Variants in PLLP observed in about 807,000 individuals in gnomAD.
The protein encoded by PLLP is plasma membrane proteolipid (plasmolipin).
In PLLP, 15 loss-of-function variants were observed where a neutral mutation model predicts 19.7. The observed-to-expected ratio is 0.76, with a 90% CI of 0.51 to 1.17. The LOEUF is 1.17. Among genes scored for constraint, PLLP ranks in the 50% most tolerant of loss-of-function variants. PLLP has a pLI of 0.00. For synonymous variants in PLLP, 111 were observed against 116.3 expected (o/e 0.95, Z 0.29); for missense variants, 255 against 258.3 (o/e 0.99, Z 0.09).
At chr16:57,275,603 CAA>C (rs34400512) in intron 1 of PLLP, among the ~76,000 whole-genome samples, 34 of 22,316 alleles carry the variant, frequency 1.5e-3, no homozygotes, top group African/African-American at 4.7e-3. Flanking sequence ...AGAAATTCAG[CAA>C]AAAAAAAAAA....
At chr16:57,273,279 G>A (rs1017900863) in intron 1 of PLLP, among the ~76,000 whole-genome samples, 1 of 151,848 alleles carries the variant, frequency 6.6e-6, no homozygotes, top group Non-Finnish European at 1.5e-5. Flanking sequence ...AAAGTTGGGG[G>A]GGCAATGCTC....
chr16:57,276,514 C>T (rs11076183), intron 1 of PLLP, among the ~76,000 whole-genome samples: 66,490 of 150,262 alleles, frequency 0.44, 14,884 homozygotes, highest in African/African-American at 0.45. Flanking sequence ...ATTGCTTGAA[C>T]CCAGGAGGCA....
At chr16:57,262,192 TGTAATAATC>T in intron 1 of PLLP, 122 bp from the exon 2 acceptor site, 1 of 898,128 alleles carries the variant, frequency 1.1e-6, no homozygotes, top group Non-Finnish European at 1.7e-6. Context: ...GAGCCCAAGG[TGTAATAATC>T]GCTGGAGGCC....
intron 1 of PLLP, among the ~76,000 whole-genome samples, chr16:57,280,069 A>G (rs1213760997): frequency 6.6e-6 from 1 of 152,092 alleles, no homozygotes. Flanking sequence ...CTCCCTTCCT[A>G]TGCCAGGAAG....
intron 1 of PLLP, among the ~76,000 whole-genome samples, chr16:57,279,337 G>A (rs1238239135): frequency 6.6e-6 from 1 of 151,716 alleles, no homozygotes; most frequent in South Asian, 2.1e-4. Flanking sequence ...TGGAGATCTA[G>A]GGAAGGCTTC....
At chr16:57,275,819 T>G (rs970227822) in intron 1 of PLLP, among the ~76,000 whole-genome samples, 1 of 152,198 alleles carries the variant, frequency 6.6e-6, no homozygotes, top group Non-Finnish European at 1.5e-5. Context: ...CAAACGGCTC[T>G]TAAACATCTT....
At chr16:57,265,999 C>T (rs1238493746) in intron 1 of PLLP, among the ~76,000 whole-genome samples, 1 of 152,102 alleles carries the variant, frequency 6.6e-6, no homozygotes, top group African/African-American at 2.4e-5. Context: ...GCACTCCAGC[C>T]TAGGTGACAG....
intron 1 of PLLP, among the ~76,000 whole-genome samples, chr16:57,283,035 A>G (rs1049864871): frequency 6.6e-6 from 1 of 152,186 alleles, no homozygotes; most frequent in Non-Finnish European, 1.5e-5. Flanking sequence ...CCCCATCTGC[A>G]GAATTAAATG....
At chr16:57,266,898 C>T (rs1447128013) in intron 1 of PLLP, among the ~76,000 whole-genome samples, 2 of 114,596 alleles carry the variant, frequency 1.7e-5, no homozygotes, top group African/African-American at 6.4e-5. Context: ...TTTCTGAAAA[C>T]CTGAATAATT....
intron 1 of PLLP, chr16:57,263,299 G>A (rs61210889): frequency 0.046 from 7,008 of 152,344 alleles, 454 homozygotes; most frequent in South Asian, 0.27. Context: ...GGCAGGATGG[G>A]CCTGACCATC....
chr16:57,259,859 C>G (rs1351402588), intron 2 of PLLP, among the ~76,000 whole-genome samples: 1 of 151,918 alleles, frequency 6.6e-6, no homozygotes, highest in Non-Finnish European at 1.5e-5. Context: ...CACCGGTAAT[C>G]CCAGCTACAC....
chr16:57,276,707 C>T (rs1255620291), intron 1 of PLLP, among the ~76,000 whole-genome samples: 2 of 152,048 alleles, frequency 1.3e-5, no homozygotes, highest in Admixed American at 1.3e-4. Context: ...TGTTGGGAGG[C>T]TGTGGGAACA....
At chr16:57,284,075 G>C (rs1901251492) in intron 1 of PLLP, among the ~76,000 whole-genome samples, 1 of 152,166 alleles carries the variant, frequency 6.6e-6, no homozygotes, top group Non-Finnish European at 1.5e-5. Context: ...CGCAGTGACT[G>C]TGGCTCCGGT....
chr16:57,259,704 G>A (rs1350176788), intron 2 of PLLP, among the ~76,000 whole-genome samples: 4 of 152,164 alleles, frequency 2.6e-5, no homozygotes, highest in African/African-American at 9.7e-5. Context: ...GCCGGGTGCA[G>A]TGTGGCTCAT....
Position 57,261,016 on chromosome 16 carries a change from C to T in PLLP, c.309+881G>A, listed in dbSNP as rs146398603. 3.4e-3 allele frequency among the ~76,000 whole-genome samples: 514 copies of T among 152,280 alleles called. 1 individual carries two copies. Among genetic ancestry groups the T allele is most frequent in the African/African-American group, 0.012 (490 of 41,564 alleles). ...GGAAATTTTTTTTTTGAGGTGGAGT[C>T]TTGCTCTGTCACCCAGGCTGGAGTA... On this transcript the variant is annotated intron_variant, in intron 2 of 3. Transcript: ENST00000219207.
intron 1 of PLLP, among the ~76,000 whole-genome samples, chr16:57,264,864 A>ATAAAATTAAAATTAAGTAAAGT (rs2075452349): frequency 6.6e-6 from 1 of 152,238 alleles, no homozygotes. Context: ...ACGAAAATAA[A>ATAAAATTAAAATTAAGTAAAGT]TAAAATTAAA....
intron 2 of PLLP, 75 bp downstream of exon 2, chr16:57,261,822 C>A: frequency 1.4e-6 from 2 of 1,382,160 alleles, no homozygotes; most frequent in East Asian, 2.3e-5. Context: ...CACCCCCCCA[C>A]ACCCTGCCAC....
At position 57,256,617 on chromosome 16, in the gene PLLP, G is replaced by A. The variant is rs192228521; in HGVS notation, c.*296C>T. ...AGGGTGGGCCCCAGTCTTGGACGCT[G>A]AAGTCCTCTAAAGACAAGGCAGAGA... On this transcript the variant is annotated 3_prime_UTR_variant, in exon 4 of 4. Transcript: ENST00000219207. 11 of 387,162 alleles carry A rather than the reference G, an allele frequency of 2.8e-5. No homozygotes were observed. The Admixed American group carries it at 4.3e-4, about 15-fold the overall frequency. The allele number at this position is 387,162 out of a possible 1,614,324, so 24.0% of individuals were successfully genotyped here.
intron 2 of PLLP, 26 bp downstream of exon 2, chr16:57,261,871 C>T (rs2075442766): frequency 6.2e-7 from 1 of 1,610,366 alleles, no homozygotes; most frequent in Non-Finnish European, 8.5e-7. Context: ...GTCATAGCCA[C>T]TTCCAGTACC....
Sources: gnomAD v4.1 joint callset for allele counts (sites outside exome capture counted in the v4.1 genomes callset) on GRCh38, gnomAD v4.1.1 for gene constraint, MANE v1.5 for transcripts, NCBI Gene and HGNC (gene_info 2026-07-23, HGNC 2026-07-21) for gene names.